Variants in CCDC178 observed in about 807,000 individuals in gnomAD.
CCDC178 encodes the protein coiled-coil domain-containing protein 178.
CCDC178 carries 126 observed loss-of-function variants against 117.4 expected under a neutral mutation model. The ratio of observed to expected loss-of-function variants is 1.07; its 90% confidence interval spans 0.93 to 1.24. The LOEUF (loss-of-function observed/expected upper bound fraction) is 1.24. Among genes scored for constraint, CCDC178 ranks in the 50% most tolerant of loss-of-function variants. CCDC178 has a pLI of 0.00. For synonymous variants in CCDC178, 283 were observed against 313.4 expected (o/e 0.90, Z 1.02); for missense variants, 1,030 against 986.9 (o/e 1.04, Z -0.59).
In CCDC178 at chr18:33,356,479, C is replaced by T. The variant is rs1169571582; in HGVS notation, c.349-133G>A. ...TTATATTTTTGTGTACTTATACTCTCGGTTGTATAAACCAAAAATAAAATT... is the reference window on the plus strand; with the variant it reads ...TTATATTTTTGTGTACTTATACTCTTGGTTGTATAAACCAAAAATAAAATT... On this transcript the variant is annotated intron_variant, in intron 6 of 22. Transcript: ENST00000383096. The T allele has an allele frequency of 9.5e-6, 9 of 947,500 alleles. No individual in the cohort carries two copies. The South Asian group carries it at 1.5e-4, about 16-fold the overall frequency. 58.7% of individuals were successfully genotyped at this position (947,500 alleles called of 1,614,324 possible).
chr18:33,312,941 A>G (rs913029197), intron 11 of CCDC178, among the ~76,000 whole-genome samples: 4 of 152,102 alleles, frequency 2.6e-5, no homozygotes, highest in Non-Finnish European at 5.9e-5. Flanking sequence ...TTAAAAGTAA[A>G]CCTATTAAAA....
At chr18:33,413,573 T>C (rs118092710) in intron 2 of CCDC178, among the ~76,000 whole-genome samples, 6,803 of 151,776 alleles carry the variant, frequency 0.045, 208 homozygotes, top group Non-Finnish European at 0.063. Context: ...CTGGTTGAAA[T>C]ATAATTTTTG....
chr18:33,013,339 A>T (rs2055912566), intron 21 of CCDC178, among the ~76,000 whole-genome samples: 1 of 152,154 alleles, frequency 6.6e-6, no homozygotes, highest in Non-Finnish European at 1.5e-5. Context: ...ATCAGTCTTA[A>T]GGGATTTGGG....
chr18:33,281,413 A>G (rs1289422491), intron 12 of CCDC178, among the ~76,000 whole-genome samples: 2 of 152,142 alleles, frequency 1.3e-5, no homozygotes, highest in Non-Finnish European at 2.9e-5. Flanking sequence ...GAAACAATAT[A>G]ATCACTAAGA....
intron 11 of CCDC178, among the ~76,000 whole-genome samples, chr18:33,312,115 T>C (rs1243865013): frequency 6.6e-6 from 1 of 152,154 alleles, no homozygotes; most frequent in Non-Finnish European, 1.5e-5. Flanking sequence ...AGGCAATTAA[T>C]GAGGTAACAG....
intron 15 of CCDC178, among the ~76,000 whole-genome samples, chr18:33,243,140 C>T (rs2059508406): frequency 6.6e-6 from 1 of 151,760 alleles, no homozygotes; most frequent in African/African-American, 2.4e-5. Flanking sequence ...TAAGTGAAGT[C>T]ACTCAGGAAT....
chr18:33,234,219 G>A (rs1401909061), intron 15 of CCDC178, among the ~76,000 whole-genome samples: 1 of 151,906 alleles, frequency 6.6e-6, no homozygotes, highest in Non-Finnish European at 1.5e-5. Context: ...AGCCATTGTG[G>A]GACTTTAATC....
intron 5 of CCDC178, among the ~76,000 whole-genome samples, chr18:33,374,620 T>C (rs373895805): frequency 6.6e-6 from 1 of 152,128 alleles, no homozygotes; most frequent in Admixed American, 6.6e-5. Flanking sequence ...TCAGCATTCC[T>C]CTTCTTTATA....
chr18:33,087,615 C>T (rs2057400044), intron 21 of CCDC178, among the ~76,000 whole-genome samples: 1 of 149,586 alleles, frequency 6.7e-6, no homozygotes, highest in Non-Finnish European at 1.5e-5. Flanking sequence ...TGCATGTCCA[C>T]ATGCCTGTGT....
In CCDC178 at chr18:33,215,589, T is replaced by A; in HGVS notation, c.2039A>T (p.Glu680Val). Residue 680 changes from glutamate to valine, a missense_variant, in exon 19 of 23, where the codon GAA (glutamate) becomes GTA (valine). Coordinates refer to ENST00000383096, the MANE Select transcript of CCDC178 (RefSeq NM_001105528.4). ...ELNEELKAKE[E>V]EKKSFDQTLE... ...TGTCTGATCAAAACTTTTCTTTTCTTCTTCTTTTGCTTTTAATTCCTCATT... is the reference window on the plus strand; with the variant it reads ...TGTCTGATCAAAACTTTTCTTTTCTACTTCTTTTGCTTTTAATTCCTCATT... 6.7e-7 allele frequency: 1 copy of A among 1,491,674 alleles called. No individual in the cohort carries two copies. Among genetic ancestry groups the A allele is most frequent in the Non-Finnish European group, 9.0e-7 (1 of 1,115,754 alleles). 92.4% of individuals were successfully genotyped at this position (1,491,674 alleles called of 1,614,324 possible).
At chr18:33,121,487 T>A (rs1274280547) in intron 20 of CCDC178, among the ~76,000 whole-genome samples, 3 of 152,112 alleles carry the variant, frequency 2.0e-5, no homozygotes, top group Non-Finnish European at 4.4e-5. Flanking sequence ...GAAATCAACA[T>A]AGACACAGAT....
At chr18:33,321,210 C>CA (rs2062504193) in intron 11 of CCDC178, among the ~76,000 whole-genome samples, 1 of 152,070 alleles carries the variant, frequency 6.6e-6, no homozygotes, top group Admixed American at 6.5e-5. Context: ...ACACCAAAAG[C>CA]GTGGCAACAA....
At chr18:33,376,885 C>T (rs1298136627) in intron 5 of CCDC178, among the ~76,000 whole-genome samples, 3 of 152,154 alleles carry the variant, frequency 2.0e-5, no homozygotes, top group Non-Finnish European at 2.9e-5. Context: ...TATGTCTTTG[C>T]TATTGCAAAT....
At position 33,182,291 on chromosome 18, in the gene CCDC178, G is replaced by T. The variant is rs149768407; in HGVS notation, c.2238+29605C>A. 4.1e-4 allele frequency among the ~76,000 whole-genome samples: 62 copies of T among 151,886 alleles called. No individual in the cohort carries two copies. In the East Asian group the frequency reaches 9.9e-3, roughly 24 times the overall value. On this transcript the variant is annotated intron_variant, in intron 20 of 22. Transcript: ENST00000383096. Reference sequence around the variant, plus strand: ...TTTATAGTATCTTTAAATCCAAGCTGAATAACAAGTAGAAAAATAAGTATT... The same window carrying T: ...TTTATAGTATCTTTAAATCCAAGCTTAATAACAAGTAGAAAAATAAGTATT...
At chr18:32,960,041 AAG>A (rs1292330512) in intron 22 of CCDC178, among the ~76,000 whole-genome samples, 1 of 152,138 alleles carries the variant, frequency 6.6e-6, no homozygotes, top group African/African-American at 2.4e-5. Flanking sequence ...ACAGAATAAA[AAG>A]AGTAGATAAT....
At chr18:33,058,941 GA>G (rs1178096134) in intron 21 of CCDC178, among the ~76,000 whole-genome samples, 1 of 151,970 alleles carries the variant, frequency 6.6e-6, no homozygotes, top group African/African-American at 2.4e-5. Context: ...TGAACTGTTG[GA>G]ATTTCATCAT....
At chr18:33,114,372 G>A (rs909600456) in intron 20 of CCDC178, among the ~76,000 whole-genome samples, 1 of 152,032 alleles carries the variant, frequency 6.6e-6, no homozygotes, top group African/African-American at 2.4e-5. Context: ...CCGAGAGAAT[G>A]GGGGGTGGGG....
chr18:33,032,649 T>C (rs578198199), intron 21 of CCDC178, among the ~76,000 whole-genome samples: 1 of 151,980 alleles, frequency 6.6e-6, no homozygotes, highest in Non-Finnish European at 1.5e-5. Flanking sequence ...TCATGGAAGG[T>C]TACTGAGAAG....
chr18:33,013,350 C>T (rs1182581000), intron 21 of CCDC178, among the ~76,000 whole-genome samples: 1 of 152,046 alleles, frequency 6.6e-6, no homozygotes, highest in East Asian at 1.9e-4. Flanking sequence ...GGGATTTGGG[C>T]CCTCTTGTTA....
Sources: gnomAD v4.1 joint callset for allele counts (sites outside exome capture counted in the v4.1 genomes callset) on GRCh38, gnomAD v4.1.1 for gene constraint, MANE v1.5 for transcripts, NCBI Gene and HGNC (gene_info 2026-07-23, HGNC 2026-07-21) for gene names.